Variants in DPP10 observed in about 807,000 individuals in gnomAD.
DPP10 encodes the protein inactive dipeptidyl peptidase 10.
In DPP10, 33 loss-of-function variants were observed where a neutral mutation model predicts 120.9. The observed-to-expected ratio is 0.27, with a 90% CI of 0.21 to 0.37. DPP10 has a LOEUF of 0.37. Ranked by LOEUF, DPP10 falls within the 10% of genes least tolerant of loss-of-function variation. The pLI is 1.00. For synonymous variants in DPP10, 337 were observed against 326.1 expected (o/e 1.03, Z -0.36); for missense variants, 816 against 942.8 (o/e 0.87, Z 1.76).
intron 8 of DPP10, among the ~76,000 whole-genome samples, chr2:115,736,963 C>T (rs1476879482): frequency 2.0e-5 from 3 of 152,150 alleles, no homozygotes; most frequent in Admixed American, 2.0e-4. Context: ...CAGGATGTTT[C>T]CATGCCTGAA....
chr2:115,008,506 A>ACATAGG (rs1278903402), intron 1 of DPP10, among the ~76,000 whole-genome samples: 1 of 128,076 alleles, frequency 7.8e-6, no homozygotes, highest in Non-Finnish European at 1.8e-5. Context: ...ACCATTCAGG[A>ACATAGG]CATAGGCATG....
intron 5 of DPP10, among the ~76,000 whole-genome samples, chr2:115,582,987 A>T (rs1484374872): frequency 1.3e-5 from 2 of 152,146 alleles, no homozygotes; most frequent in East Asian, 3.8e-4. Context: ...TCATCTTGCA[A>T]CTTTGTGAGA....
chr2:115,098,940 T>A (rs2048538305), intron 1 of DPP10, among the ~76,000 whole-genome samples: 2 of 151,950 alleles, frequency 1.3e-5, no homozygotes, highest in Non-Finnish European at 2.9e-5. Flanking sequence ...GTTTCTCTTG[T>A]CCAGTTACCA....
At chr2:115,501,954 G>C (rs2076703887) in intron 4 of DPP10, among the ~76,000 whole-genome samples, 1 of 151,838 alleles carries the variant, frequency 6.6e-6, no homozygotes, top group Non-Finnish European at 1.5e-5. Context: ...TAATTAATTG[G>C]ATCAGATCAG....
chr2:115,316,151 T>G (rs1393013826), intron 2 of DPP10, among the ~76,000 whole-genome samples: 2 of 152,206 alleles, frequency 1.3e-5, no homozygotes, highest in Non-Finnish European at 2.9e-5. Context: ...CATGTACTAT[T>G]TTTTCTCACA....
chr2:115,844,265 GT>G lies in DPP10; in HGVS notation c.*1926del, dbSNP rs1430482851. On this transcript the variant is annotated 3_prime_UTR_variant, in exon 26 of 26. Coordinates refer to ENST00000410059, the MANE Select transcript of DPP10 (RefSeq NM_020868.6). ...AATATTTTAAATTTGAACCACTAGA[GT>G]TTTTTATGATGCAAATGATTATGTT... The G allele has an allele frequency of 6.6e-6, 1 of 152,480 alleles. No homozygotes were observed. The highest frequency in any genetic ancestry group is 6.6e-5 in the Admixed American group (1 of 15,250). The allele number at this position is 152,480 out of a possible 1,614,324, so 9.4% of individuals were successfully genotyped here. A position where few individuals can be genotyped will look rare whatever the true frequency, so the allele number is the denominator to read the frequency against.
At chr2:114,478,620 G>A (rs1019376699) in intron 1 of DPP10, among the ~76,000 whole-genome samples, 11 of 152,054 alleles carry the variant, frequency 7.2e-5, no homozygotes, top group Admixed American at 5.2e-4. Context: ...AAAGGAGAAG[G>A]CATACAAATT....
chr2:114,500,876 T>C (rs1392456716), intron 1 of DPP10, among the ~76,000 whole-genome samples: 2 of 152,126 alleles, frequency 1.3e-5, no homozygotes, highest in South Asian at 2.1e-4. Flanking sequence ...GGGTTCTCCA[T>C]GGGAGACTGT....
chr2:114,912,650 A>G (rs936327570), intron 1 of DPP10, among the ~76,000 whole-genome samples: 12 of 152,154 alleles, frequency 7.9e-5, no homozygotes, highest in African/African-American at 2.7e-4. Flanking sequence ...GGGCTGAAGC[A>G]GGAGGAAGCT....
chr2:114,768,961 T>G (rs148636850), intron 1 of DPP10, among the ~76,000 whole-genome samples: 1 of 152,274 alleles, frequency 6.6e-6, no homozygotes, highest in Non-Finnish European at 1.5e-5. Context: ...TAAGGCACTT[T>G]AGAAGTTGAC....
chr2:114,932,114 T>C (rs1696116308), intron 1 of DPP10, among the ~76,000 whole-genome samples: 1 of 152,220 alleles, frequency 6.6e-6, no homozygotes, highest in Non-Finnish European at 1.5e-5. Context: ...GCAGCATCTG[T>C]GTGTCCTAGA....
Position 114,539,400 on chromosome 2 carries a change from T to C in DPP10, c.60+96562T>C, listed in dbSNP as rs139099898. 3.5e-3 allele frequency among the ~76,000 whole-genome samples: 532 copies of C among 152,194 alleles called. 5 individuals are homozygous for C. The highest frequency in any genetic ancestry group is 3.1e-3 in the Non-Finnish European group (212 of 68,000). On this transcript the variant is annotated intron_variant, in intron 1 of 25. Transcript: ENST00000410059. ...TTCCGACTGTATTTCCTTCCTATCA[T>C]CTTAAGATAAAAGACAAGCCACTGT...
At chr2:115,727,973 G>T (rs2092806115) in intron 8 of DPP10, 37 bp downstream of exon 8, 2 of 1,579,912 alleles carry the variant, frequency 1.3e-6, no homozygotes, top group South Asian at 2.4e-5. Flanking sequence ...GGAAACAAAT[G>T]ACATATTTTT....
chr2:115,563,433 C>A (rs573343773), intron 5 of DPP10, among the ~76,000 whole-genome samples: 1 of 151,982 alleles, frequency 6.6e-6, no homozygotes, highest in East Asian at 1.9e-4. Context: ...CCCCTGCACT[C>A]GAGAGAGCTG....
intron 1 of DPP10, among the ~76,000 whole-genome samples, chr2:114,705,377 G>A (rs192212694): frequency 1.9e-3 from 286 of 152,076 alleles, no homozygotes; most frequent in African/African-American, 6.6e-3. Flanking sequence ...AAGTTTATGA[G>A]AACAAAAGGA....
At chr2:115,700,405 A>C (rs2091835245) in intron 7 of DPP10, among the ~76,000 whole-genome samples, 1 of 152,138 alleles carries the variant, frequency 6.6e-6, no homozygotes, top group African/African-American at 2.4e-5. Context: ...AAAAAAAACA[A>C]CAAACTAGAA....
At chr2:115,170,207 C>A (rs1325013444) in intron 1 of DPP10, among the ~76,000 whole-genome samples, 1 of 152,196 alleles carries the variant, frequency 6.6e-6, no homozygotes, top group Admixed American at 6.5e-5. Flanking sequence ...CACATCTCAC[C>A]TCCAGGAATG....
chr2:114,682,746 A>T (rs528412121), intron 1 of DPP10, among the ~76,000 whole-genome samples: 139 of 143,054 alleles, frequency 9.7e-4, no homozygotes, highest in African/African-American at 3.5e-3. Context: ...AAGATTTTAT[A>T]TCTATCTATC....
intron 1 of DPP10, among the ~76,000 whole-genome samples, chr2:115,277,593 A>G (rs1015793795): frequency 1.3e-4 from 19 of 151,678 alleles, no homozygotes; most frequent in African/African-American, 4.1e-4. Flanking sequence ...TTGAATACAT[A>G]TGAAAGAATA....
Sources: gnomAD v4.1 joint callset for allele counts (sites outside exome capture counted in the v4.1 genomes callset) on GRCh38, gnomAD v4.1.1 for gene constraint, MANE v1.5 for transcripts, NCBI Gene and HGNC (gene_info 2026-07-23, HGNC 2026-07-21) for gene names.